Variants in DHRSX observed in about 807,000 individuals in gnomAD.
The protein encoded by DHRSX is polyprenol dehydrogenase.
A neutral mutation model predicts 34.0 loss-of-function variants in DHRSX; 31 were observed. The ratio of observed to expected loss-of-function variants is 0.91; its 90% CI spans 0.69 to 1.23. The LOEUF (loss-of-function observed/expected upper bound fraction) is 1.23, where lower values mean the gene tolerates loss of function less well. Among genes scored for constraint, DHRSX ranks in the 50% most tolerant of loss-of-function variants. DHRSX has a pLI of 0.00. For synonymous variants in DHRSX, 201 were observed against 183.8 expected, an observed-to-expected ratio of 1.09 and a Z score of -0.76; for missense variants, 414 against 428.1, an observed-to-expected ratio of 0.97 and a Z score of 0.29.
chrX:2,260,404 A>AT (rs2041347315), intron 5 of DHRSX, among the ~76,000 whole-genome samples: 1 of 149,734 alleles, frequency 6.7e-6, no homozygotes, highest in Admixed American at 6.6e-5. Context: ...CTCCACCTCC[A>AT]TCTCCATCTC....
At position 2,243,016 on chromosome X, in the gene DHRSX, G is replaced by A. The variant is rs2124426597; in HGVS notation, c.804+7C>T. On this transcript the variant is annotated splice_region_variant and intron_variant, in intron 6 of 6. Coordinates refer to ENST00000334651, the MANE Select transcript of DHRSX (RefSeq NM_145177.3). ...AGCCGTGAATCAGAGAAGCAGAAGG[G>A]GCTTACCTTGAAAAGCAACCAGCCG... 6.2e-7 allele frequency: 1 copy of A among 1,612,750 alleles called. No homozygotes were observed. Among genetic ancestry groups the A allele is most frequent in the Non-Finnish European group, 8.5e-7 (1 of 1,179,068 alleles).
intron 1 of DHRSX, among the ~76,000 whole-genome samples, chrX:2,455,112 C>CAA (rs35335750): frequency 0.01 from 1,437 of 139,250 alleles, 20 homozygotes; most frequent in African/African-American, 0.032. Flanking sequence ...AACCCCATCT[C>CAA]AAAAAAAAAA....
intron 3 of DHRSX, among the ~76,000 whole-genome samples, chrX:2,354,681 C>T (rs1393020397): frequency 1.6e-4 from 25 of 152,072 alleles, no homozygotes; most frequent in African/African-American, 5.1e-4. Flanking sequence ...AGGCTGGTCT[C>T]GAACTCCTGA....
At chrX:2,306,119 A>T (rs1396681229) in intron 3 of DHRSX, among the ~76,000 whole-genome samples, 1 of 152,178 alleles carries the variant, frequency 6.6e-6, no homozygotes, top group Non-Finnish European at 1.5e-5. Flanking sequence ...TAAAATTTTT[A>T]AAAATTACCC....
chrX:2,377,365 C>T (rs1201473014), intron 3 of DHRSX, among the ~76,000 whole-genome samples: 4 of 151,374 alleles, frequency 2.6e-5, no homozygotes, highest in South Asian at 4.2e-4. Context: ...TGATGGGAGA[C>T]AGTGGCAGAT....
intron 3 of DHRSX, among the ~76,000 whole-genome samples, chrX:2,303,820 G>A: frequency 1.5e-5 from 2 of 133,182 alleles, no homozygotes; most frequent in African/African-American, 5.6e-5. Context: ...TGGGTGGGTG[G>A]ATGGGTGGGT....
chrX:2,323,534 G>A (rs1453719290), intron 3 of DHRSX, among the ~76,000 whole-genome samples: 1 of 152,130 alleles, frequency 6.6e-6, no homozygotes, highest in Non-Finnish European at 1.5e-5. Context: ...AGGCCCAGGT[G>A]AGAAGACTGC....
At chrX:2,442,797 C>T (rs1172599496) in intron 1 of DHRSX, among the ~76,000 whole-genome samples, 3 of 152,136 alleles carry the variant, frequency 2.0e-5, no homozygotes, top group Admixed American at 6.6e-5. Flanking sequence ...ATTCCCTTTC[C>T]GAAGACATTT....
intron 3 of DHRSX, among the ~76,000 whole-genome samples, chrX:2,395,785 T>C (rs940806471): frequency 6.6e-6 from 1 of 152,098 alleles, no homozygotes; most frequent in Non-Finnish European, 1.5e-5. Context: ...CAAGTTCTTG[T>C]CCCATGACCT....
chrX:2,338,021 AG>A (rs1300420748), intron 3 of DHRSX: 1 of 146,230 alleles, frequency 6.8e-6, no homozygotes, highest in Non-Finnish European at 1.5e-5. Context: ...AAAAAAAAAA[AG>A]CTGGAATCAT....
chrX:2,403,825 T>C (rs2043519156), intron 3 of DHRSX, among the ~76,000 whole-genome samples: 1 of 145,910 alleles, frequency 6.9e-6, no homozygotes, highest in African/African-American at 2.6e-5. Flanking sequence ...CACTGCATTC[T>C]AACGTGGGCA....
chrX:2,335,769 A>G (rs1252742603), intron 3 of DHRSX, among the ~76,000 whole-genome samples: 1 of 151,474 alleles, frequency 6.6e-6, no homozygotes, highest in Non-Finnish European at 1.5e-5. Flanking sequence ...ACTTTGAATA[A>G]AACGGGAGGC....
At chrX:2,326,375 T>A (rs1283054874) in intron 3 of DHRSX, among the ~76,000 whole-genome samples, 1 of 151,952 alleles carries the variant, frequency 6.6e-6, no homozygotes, top group Non-Finnish European at 1.5e-5. Context: ...ATACAAAAAT[T>A]AGCCGGGCGT....
intron 3 of DHRSX, among the ~76,000 whole-genome samples, chrX:2,363,641 CGCCA>C (rs2042963761): frequency 8.9e-6 from 1 of 112,042 alleles, no homozygotes; most frequent in Non-Finnish European, 1.9e-5. Context: ...GGTATCATGC[CGCCA>C]TTTTATCACC....
intron 3 of DHRSX, among the ~76,000 whole-genome samples, chrX:2,375,502 A>G (rs2043130565): frequency 7.3e-6 from 1 of 137,144 alleles, no homozygotes. Flanking sequence ...TCTTCCTCCT[A>G]GGGGAGAATC....
At chrX:2,276,030 G>A (rs1476486262) in intron 4 of DHRSX, among the ~76,000 whole-genome samples, 2 of 151,998 alleles carry the variant, frequency 1.3e-5, no homozygotes, top group South Asian at 2.1e-4. Context: ...TTTTAGTAGA[G>A]ACGGGATTTC....
At chrX:2,269,973 TTGTGTG>T (rs1260263885) in intron 4 of DHRSX, among the ~76,000 whole-genome samples, 6 of 152,176 alleles carry the variant, frequency 3.9e-5, no homozygotes, top group Non-Finnish European at 8.8e-5. Context: ...GTGCTTGTGT[TTGTGTG>T]TATCTTATAT....
intron 3 of DHRSX, among the ~76,000 whole-genome samples, chrX:2,350,369 C>T (rs1248654074): frequency 3.9e-5 from 6 of 151,972 alleles, no homozygotes; most frequent in African/African-American, 1.4e-4. Context: ...AAAGAAAATG[C>T]AGTACATACA....
intron 3 of DHRSX, among the ~76,000 whole-genome samples, chrX:2,398,988 G>A (rs891363037): frequency 6.6e-6 from 1 of 152,216 alleles, no homozygotes; most frequent in Admixed American, 6.5e-5. Flanking sequence ...GAGTAGCTGG[G>A]ACTACAGGCA....
Sources: gnomAD v4.1 joint callset for allele counts (sites outside exome capture counted in the v4.1 genomes callset) on GRCh38, gnomAD v4.1.1 for gene constraint, MANE v1.5 for transcripts, NCBI Gene and HGNC (gene_info 2026-07-23, HGNC 2026-07-21) for gene names.